Variants in PCDH15 observed in about 807,000 individuals in gnomAD.
PCDH15 encodes protocadherin related 15.
In PCDH15, 129 loss-of-function variants were observed where a neutral mutation model predicts 178.5. That is an observed-to-expected ratio of 0.72 (90% CI 0.63 to 0.84). PCDH15 has a LOEUF of 0.84. Ranked by LOEUF, PCDH15 falls within the 40% of genes least tolerant of loss-of-function variation. The pLI is 0.00. For synonymous variants in PCDH15, 800 were observed against 732.0 expected (o/e 1.09, Z -1.50); for missense variants, 2,230 against 2,099.9 (o/e 1.06, Z -1.21).
chr10:53,985,415 T>C (rs2091024593), intron 21 of PCDH15, among the ~76,000 whole-genome samples: 2 of 152,166 alleles, frequency 1.3e-5, no homozygotes, highest in African/African-American at 2.4e-5. Context: ...ACAATGTTCC[T>C]GACAGTGGCA....
intron 2 of PCDH15, among the ~76,000 whole-genome samples, chr10:55,421,709 G>A (rs560730811): frequency 7.9e-5 from 12 of 151,532 alleles, no homozygotes; most frequent in African/African-American, 2.9e-4. Context: ...AGAAGCATCT[G>A]TTTGATATTT....
At chr10:55,213,837 A>G (rs1176582263) in intron 1 of PCDH15, among the ~76,000 whole-genome samples, 2 of 151,596 alleles carry the variant, frequency 1.3e-5, no homozygotes, top group Non-Finnish European at 2.9e-5. Context: ...CTTCCAGCTT[A>G]TTTTGTTTTT....
chr10:55,618,886 A>T (rs1843530921), intron 2 of PCDH15, among the ~76,000 whole-genome samples: 1 of 152,094 alleles, frequency 6.6e-6, no homozygotes, highest in African/African-American at 2.4e-5. Context: ...ATGAAGGCAG[A>T]TAAAGAGAAT....
At chr10:54,564,980 G>A (rs1025051097) in intron 2 of PCDH15, among the ~76,000 whole-genome samples, 1 of 152,130 alleles carries the variant, frequency 6.6e-6, no homozygotes, top group African/African-American at 2.4e-5. Context: ...CTTCAGCAAT[G>A]TCAAGAGAAA....
chr10:55,504,126 T>G (rs765657336), intron 2 of PCDH15, among the ~76,000 whole-genome samples: 1 of 151,494 alleles, frequency 6.6e-6, no homozygotes, highest in Non-Finnish European at 1.5e-5. Context: ...CTATAGAATT[T>G]AGAACACCAA....
At chr10:55,392,572 A>C (rs1026285573) in intron 2 of PCDH15, among the ~76,000 whole-genome samples, 1 of 152,110 alleles carries the variant, frequency 6.6e-6, no homozygotes, top group African/African-American at 2.4e-5. Flanking sequence ...GAGGAAATAC[A>C]TTTTGATTTA....
intron 3 of PCDH15, among the ~76,000 whole-genome samples, chr10:54,388,571 G>A (rs982799223): frequency 4.6e-5 from 7 of 152,132 alleles, no homozygotes; most frequent in Non-Finnish European, 7.3e-5. Context: ...TCTACTAGCC[G>A]TTATCTGAGA....
intron 35 of PCDH15, among the ~76,000 whole-genome samples, chr10:53,814,693 C>T (rs11003866): frequency 0.029 from 4,442 of 152,142 alleles, 86 homozygotes; most frequent in Non-Finnish European, 0.04. Context: ...AGCCCGGGTG[C>T]GGTGGCTCAC....
At chr10:55,118,832 A>G (rs1385422808) in intron 2 of PCDH15, among the ~76,000 whole-genome samples, 1 of 152,118 alleles carries the variant, frequency 6.6e-6, no homozygotes, top group African/African-American at 2.4e-5. Flanking sequence ...GTGGACTTAG[A>G]CTCTGATGCT....
At chr10:55,332,210 T>C (rs1844221194) in intron 2 of PCDH15, among the ~76,000 whole-genome samples, 1 of 151,916 alleles carries the variant, frequency 6.6e-6, no homozygotes. Flanking sequence ...GTGATAAAGA[T>C]ATATGTCTTT....
At chr10:54,822,856 G>T (rs1182412849) in intron 3 of PCDH15, among the ~76,000 whole-genome samples, 1 of 151,556 alleles carries the variant, frequency 6.6e-6, no homozygotes, top group African/African-American at 2.4e-5. Context: ...TAAATAATAA[G>T]ATAAAACGCA....
At chr10:55,160,394 T>C (rs1197616149) in intron 2 of PCDH15, among the ~76,000 whole-genome samples, 5 of 151,886 alleles carry the variant, frequency 3.3e-5, no homozygotes, top group Non-Finnish European at 7.4e-5. Context: ...AAGGGAGGTG[T>C]TGTAGGTTTT....
In PCDH15 at chr10:53,941,077, T is replaced by C. The variant is rs1454131043; in HGVS notation, c.3123-102A>G. 8.8e-6 allele frequency: 7 copies of C among 791,848 alleles called. No homozygotes were observed. The Admixed American group carries it at 1.0e-4, about 12-fold the overall frequency. The allele number at this position is 791,848 out of a possible 1,614,324, so 49.1% of individuals were successfully genotyped here. ...AGAGAAAGATAAGAGATTTCTGATA[T>C]ACCCTCTGCCCTCACACATTCATGG... is the stretch of plus-strand genomic sequence containing the variant. On this transcript the variant is annotated intron_variant, in intron 23 of 37. Coordinates refer to ENST00000644397, the MANE Select transcript of PCDH15 (RefSeq NM_001384140.1).
At chr10:53,810,521 A>T (rs1217066473) in intron 37 of PCDH15, 35 bp downstream of exon 37, 1 of 1,574,116 alleles carries the variant, frequency 6.4e-7, no homozygotes, top group Admixed American at 1.7e-5. Context: ...TTTTTCTTGG[A>T]ATATTATCTT....
In PCDH15 at chr10:54,406,104, T is replaced by C. The variant is rs80270739; in HGVS notation, c.158-27162A>G. The stretch of plus-strand genomic sequence containing the variant: ...ATGGAACAGATCTGCGTACTAAATA[T>C]GAATGTGTGTATTGTGTGTGGGCTT... On this transcript the variant is annotated intron_variant, in intron 3 of 37. Transcript: ENST00000644397. Among the ~76,000 whole-genome samples, 107 of 152,236 alleles carry C rather than the reference T, an allele frequency of 7.0e-4. 1 individual carries two copies. The East Asian group carries it at 0.019, about 27-fold the overall frequency.
chr10:54,673,457 A>G (rs1224867911), intron 1 of PCDH15, among the ~76,000 whole-genome samples: 1 of 152,032 alleles, frequency 6.6e-6, no homozygotes. Context: ...GTTTGTTTTG[A>G]GATGGAGTTT....
intron 21 of PCDH15, among the ~76,000 whole-genome samples, chr10:53,977,485 A>T (rs2090281354): frequency 6.6e-6 from 1 of 152,220 alleles, no homozygotes; most frequent in Admixed American, 6.5e-5. Context: ...ACTTACGTGT[A>T]TGTGTATCAT....
At chr10:55,461,022 A>T (rs1465823938) in intron 2 of PCDH15, among the ~76,000 whole-genome samples, 11 of 152,228 alleles carry the variant, frequency 7.2e-5, no homozygotes, top group African/African-American at 2.6e-4. Flanking sequence ...AGTGTGGTTG[A>T]TGTGAACAGG....
chr10:53,961,627 T>C (rs1056157899), intron 22 of PCDH15, 125 bp downstream of exon 22: 3 of 636,008 alleles, frequency 4.7e-6, no homozygotes, highest in East Asian at 6.9e-5. Context: ...GAAAAAAAAA[T>C]TGTAATTTAA....
Sources: gnomAD v4.1 joint callset for allele counts (sites outside exome capture counted in the v4.1 genomes callset) on GRCh38, gnomAD v4.1.1 for gene constraint, MANE v1.5 for transcripts, NCBI Gene and HGNC (gene_info 2026-07-23, HGNC 2026-07-21) for gene names.